The following NXN variants were observed in gnomAD, a reference collection of about 807,000 sequenced individuals.
NXN encodes the protein nucleoredoxin.
In NXN, 16 loss-of-function variants were observed where a neutral mutation model predicts 48.6. The ratio of observed to expected loss-of-function variants is 0.33; its 90% CI spans 0.22 to 0.50. The LOEUF (loss-of-function observed/expected upper bound fraction) is 0.50, where lower values mean the gene tolerates loss of function less well. Ranked by LOEUF, NXN falls within the 20% of genes least tolerant of loss-of-function variation. The pLI is 0.98. For synonymous variants in NXN, 281 were observed against 269.6 expected (o/e 1.04, Z -0.41); for missense variants, 492 against 605.5 (o/e 0.81, Z 1.97).
In NXN at chr17:839,808, A is replaced by AAAAAAAAAAAAAAAAAAAAAAAAAAAAAC. The variant is rs1352197383; in HGVS notation, c.361-13731_361-13730insGTTTTTTTTTTTTTTTTTTTTTTTTTTTT. Among the ~76,000 whole-genome samples the AAAAAAAAAAAAAAAAAAAAAAAAAAAAAC allele has an allele frequency of 3.5e-5, 5 of 143,688 alleles. 1 individual carries two copies. Among genetic ancestry groups the AAAAAAAAAAAAAAAAAAAAAAAAAAAAAC allele is most frequent in the African/African-American group, 1.3e-4 (5 of 37,260 alleles). The allele number at this position is 143,688 out of a possible 152,430, so 94.3% of individuals were successfully genotyped here. A position where few individuals can be genotyped will look rare whatever the true frequency, so the allele number is the denominator to read the frequency against. ...CAGAGAGACCTTGTTAAAAAAAAAA[A>AAAAAAAAAAAAAAAAAAAAAAAAAAAAAC]AAAAAAGGCCAGGCACGGTGGCTCA... On this transcript the variant is annotated intron_variant, in intron 1 of 7. Transcript: ENST00000336868.
chr17:837,532 C>G (rs779923658), intron 1 of NXN, among the ~76,000 whole-genome samples: 4 of 152,368 alleles, frequency 2.6e-5, no homozygotes, highest in Non-Finnish European at 4.4e-5. Flanking sequence ...TCAGCCAGAA[C>G]AGATGCCCCC....
intron 1 of NXN, among the ~76,000 whole-genome samples, chr17:853,489 G>A (rs2067947392): frequency 6.6e-6 from 1 of 151,420 alleles, no homozygotes; most frequent in Admixed American, 6.6e-5. Flanking sequence ...GCCCACTGAA[G>A]TCTCTTTCCC....
chr17:897,271 G>A (rs2068496742), intron 1 of NXN, among the ~76,000 whole-genome samples: 1 of 152,244 alleles, frequency 6.6e-6, no homozygotes, highest in Non-Finnish European at 1.5e-5. Flanking sequence ...AAAGGCAGCT[G>A]CGTGGACATC....
At chr17:921,552 C>T (rs2068750566) in intron 1 of NXN, among the ~76,000 whole-genome samples, 1 of 152,152 alleles carries the variant, frequency 6.6e-6, no homozygotes, top group African/African-American at 2.4e-5. Flanking sequence ...ATGGTTTCAC[C>T]CTTGGCTTTC....
chr17:875,654 C>A (rs559618023), intron 1 of NXN, among the ~76,000 whole-genome samples: 95 of 151,602 alleles, frequency 6.3e-4, no homozygotes, highest in South Asian at 1.5e-3. Context: ...TACGGTGGTG[C>A]AATCATAGCT....
intron 1 of NXN, among the ~76,000 whole-genome samples, chr17:891,034 T>A (rs1405700770): frequency 6.7e-6 from 1 of 149,024 alleles, no homozygotes; most frequent in Non-Finnish European, 1.5e-5. Flanking sequence ...TGTCTGTCTG[T>A]CTGTCTATCT....
Position 919,822 on chromosome 17 carries a change from G to A in NXN, c.360+59497C>T, listed in dbSNP as rs1010142242. Among the ~76,000 whole-genome samples, 14 of 152,096 alleles carry A rather than the reference G, an allele frequency of 9.2e-5. No homozygotes were observed. The highest frequency in any genetic ancestry group is 2.1e-4 in the South Asian group (1 of 4,808). On this transcript the variant is annotated intron_variant, in intron 1 of 7. Transcript: ENST00000336868. The surrounding 1 kb of genome is among the most constrained non-coding windows in gnomAD (Gnocchi z 5.1). ...CTCCCTTCCATCATTCAATCTTGGC[G>A]GACCACACTGGTATGCGACCTCATC...
intron 1 of NXN, among the ~76,000 whole-genome samples, chr17:848,388 G>A (rs950353549): frequency 1.1e-4 from 17 of 152,150 alleles, no homozygotes; most frequent in African/African-American, 3.9e-4. Flanking sequence ...TGATCTGCCC[G>A]CCTCAGCCTC....
intron 1 of NXN, among the ~76,000 whole-genome samples, chr17:855,639 C>G (rs2067976980): frequency 6.6e-6 from 1 of 152,260 alleles, no homozygotes; most frequent in Non-Finnish European, 1.5e-5. Context: ...AAGGTCCCAT[C>G]TGATCCACCA....
intron 1 of NXN, among the ~76,000 whole-genome samples, chr17:977,906 C>A (rs932098715): frequency 2.0e-5 from 3 of 152,170 alleles, no homozygotes; most frequent in African/African-American, 7.2e-5. Flanking sequence ...AGTAAAAATG[C>A]CAACTCTTGC....
At chr17:842,577 G>A (rs975313002) in intron 1 of NXN, 10 of 985,232 alleles carry the variant, frequency 1.0e-5, no homozygotes, top group African/African-American at 1.7e-5. Context: ...ACACGTGGGG[G>A]CCCGTCTCCT....
chr17:953,574 G>C (rs2069136017), intron 1 of NXN, among the ~76,000 whole-genome samples: 1 of 152,162 alleles, frequency 6.6e-6, no homozygotes, highest in Non-Finnish European at 1.5e-5. Context: ...TCTCCAGCCA[G>C]GCCCAACCTT....
chr17:975,055 G>A (rs1025113205), intron 1 of NXN, among the ~76,000 whole-genome samples: 6 of 152,012 alleles, frequency 3.9e-5, no homozygotes, highest in African/African-American at 1.4e-4. Flanking sequence ...AAACTCCTAG[G>A]CTCAAGTGAT....
chr17:935,350 A>C (rs2068897293), intron 1 of NXN, among the ~76,000 whole-genome samples: 1 of 152,106 alleles, frequency 6.6e-6, no homozygotes, highest in South Asian at 2.1e-4. Context: ...GTATCTGGGA[A>C]TCCTCTGGCA....
intron 1 of NXN, among the ~76,000 whole-genome samples, chr17:892,987 C>T (rs571484440): frequency 6.6e-6 from 1 of 152,324 alleles, no homozygotes; most frequent in South Asian, 2.1e-4. Context: ...GGGAGGGGTA[C>T]CTGTGAACTC....
At chr17:843,006 G>GAGAAAGAAAGAAAGAAAGAA (rs781376999) in intron 1 of NXN, among the ~76,000 whole-genome samples, 24 of 96,094 alleles carry the variant, frequency 2.5e-4, no homozygotes, top group South Asian at 3.9e-4. Context: ...GAGAGAAAGA[G>GAGAAAGAAAGAAAGAAAGAA]AGAAAGAAAG....
At chr17:809,846 C>CGGCAGACACCTTACGAGCCAGTGT (rs1816123056) in intron 5 of NXN, among the ~76,000 whole-genome samples, 1 of 89,098 alleles carries the variant, frequency 1.1e-5, no homozygotes, top group South Asian at 4.4e-4. Flanking sequence ...CGAGCCAGTG[C>CGGCAGACACCTTACGAGCCAGTGT]GAGCGGCGGG....
At chr17:841,886 C>T (rs1597653895) in intron 1 of NXN, among the ~76,000 whole-genome samples, 1 of 152,308 alleles carries the variant, frequency 6.6e-6, no homozygotes, top group African/African-American at 2.4e-5. Context: ...TCTGTAATCC[C>T]AGCACTTTGG....
intron 5 of NXN, among the ~76,000 whole-genome samples, chr17:815,722 C>T (rs1912435064): frequency 6.6e-6 from 1 of 152,262 alleles, no homozygotes; most frequent in African/African-American, 2.4e-5. Context: ...CTCTGCAAAG[C>T]GCAGGGCCTG....
Sources: allele counts gnomAD v4.1 joint callset (sites outside exome capture counted in the v4.1 genomes callset), GRCh38; gene constraint gnomAD v4.1.1; non-coding constraint Gnocchi (gnomAD v3.1); transcripts MANE v1.5; gene names NCBI Gene and HGNC (gene_info 2026-07-23, HGNC 2026-07-21).